PTPRT: variants seen among roughly 807,000 people sequenced by gnomAD.
The protein encoded by PTPRT is protein tyrosine phosphatase receptor type T.
A neutral mutation model predicts 176.8 loss-of-function variants in PTPRT; 56 were observed. That is an observed-to-expected ratio of 0.32 (90% CI 0.26 to 0.40). PTPRT has a LOEUF of 0.40. PTPRT is among the 10% of genes least tolerant of loss of function. The probability of loss-of-function intolerance (pLI) is 1.00; values close to 1 mark genes in which losing one functional copy is unlikely to be tolerated. For missense variants in PTPRT, 1,540 were observed against 1,908.2 expected (o/e 0.81, Z 3.60); for synonymous variants, 783 against 739.0 (o/e 1.06, Z -0.96).
intron 9 of PTPRT, among the ~76,000 whole-genome samples, chr20:42,393,252 G>GGGTA (rs2145678015): frequency 1.3e-5 from 2 of 152,240 alleles, no homozygotes; most frequent in South Asian, 4.2e-4. Context: ...CCATATTTGG[G>GGGTA]GGTAGCATGT....
At chr20:42,906,306 CG>C (rs1165918356) in intron 1 of PTPRT, among the ~76,000 whole-genome samples, 3 of 152,120 alleles carry the variant, frequency 2.0e-5, no homozygotes, top group Non-Finnish European at 4.4e-5. Context: ...AGAATTTGGC[CG>C]GGGCGGTCAG....
chr20:43,048,145 G>T (rs578244165), intron 1 of PTPRT, among the ~76,000 whole-genome samples: 21 of 152,178 alleles, frequency 1.4e-4, no homozygotes, highest in Admixed American at 2.0e-4. Flanking sequence ...CCAGAAGGAG[G>T]TAAAGAACTC....
chr20:42,102,535 G>A (rs374492612), intron 25 of PTPRT, among the ~76,000 whole-genome samples: 13 of 152,056 alleles, frequency 8.5e-5, no homozygotes, highest in South Asian at 6.2e-4. Flanking sequence ...CAGAAGCAGC[G>A]CATCCACACA....
intron 2 of PTPRT, among the ~76,000 whole-genome samples, chr20:42,882,762 G>T (rs2079028188): frequency 6.6e-6 from 1 of 152,200 alleles, no homozygotes; most frequent in Admixed American, 6.5e-5. Context: ...CTTCTCATCT[G>T]GGAGTAAACC....
At chr20:42,955,976 G>T (rs982647906) in intron 1 of PTPRT, among the ~76,000 whole-genome samples, 1 of 152,146 alleles carries the variant, frequency 6.6e-6, no homozygotes, top group Non-Finnish European at 1.5e-5. Context: ...GGAAGCCCTT[G>T]GCCTTAGCGC....
intron 9 of PTPRT, among the ~76,000 whole-genome samples, chr20:42,415,340 G>C (rs6102822): frequency 0.11 from 17,085 of 150,564 alleles, 1,141 homozygotes; most frequent in East Asian, 0.24. Flanking sequence ...GTGCCACCAA[G>C]CTCAGCTGGG....
At chr20:42,229,493 T>C (rs1195950322) in intron 15 of PTPRT, among the ~76,000 whole-genome samples, 3 of 152,250 alleles carry the variant, frequency 2.0e-5, no homozygotes, top group African/African-American at 7.2e-5. Context: ...AAATAACTTT[T>C]GAGTATCTCT....
In PTPRT at chr20:42,074,314, A is replaced by G. The variant is rs1212546233; in HGVS notation, c.*6565T>C. 4.3e-6 allele frequency: 1 copy of G among 231,804 alleles called. No homozygotes were observed. Among genetic ancestry groups the G allele is most frequent in the Non-Finnish European group, 8.5e-6 (1 of 117,336 alleles). 14.4% of individuals were successfully genotyped at this position (231,804 alleles called of 1,614,324 possible). A position where few individuals can be genotyped will look rare whatever the true frequency, so the allele number is the denominator to read the frequency against. On this transcript the variant is annotated 3_prime_UTR_variant, in exon 31 of 31. Coordinates refer to ENST00000373187, the MANE Select transcript of PTPRT (RefSeq NM_007050.6). ...AGCCCAAAGGCACTGAAGTAATTGT[A>G]CAGAGACTCAATTTTGTAATTTTGG...
At chr20:42,733,723 A>G (rs139704294) in intron 6 of PTPRT, among the ~76,000 whole-genome samples, 1 of 152,378 alleles carries the variant, frequency 6.6e-6, no homozygotes, top group African/African-American at 2.4e-5. Context: ...ACAGGCTTCT[A>G]AGAAGAACTG....
intron 2 of PTPRT, among the ~76,000 whole-genome samples, chr20:42,857,439 C>T (rs1242788407): frequency 2.6e-5 from 4 of 152,120 alleles, no homozygotes; most frequent in Non-Finnish European, 4.4e-5. Context: ...TATCTCTCAG[C>T]GTACATTTTT....
intron 1 of PTPRT, among the ~76,000 whole-genome samples, chr20:43,022,666 G>A (rs1020960035): frequency 2.6e-5 from 4 of 152,200 alleles, no homozygotes; most frequent in African/African-American, 9.7e-5. Context: ...CATTATGGCA[G>A]GGGAGGAGTT....
At chr20:43,004,601 T>C (rs547250305) in intron 1 of PTPRT, among the ~76,000 whole-genome samples, 1 of 152,146 alleles carries the variant, frequency 6.6e-6, no homozygotes, top group Non-Finnish European at 1.5e-5. Flanking sequence ...TTTAATAAAA[T>C]AAGGCATAGC....
At chr20:43,085,428 C>T (rs935932337) in intron 1 of PTPRT, among the ~76,000 whole-genome samples, 2 of 152,154 alleles carry the variant, frequency 1.3e-5, no homozygotes, top group African/African-American at 4.8e-5. Context: ...CACATTCATC[C>T]AACAAGTATT....
chr20:42,211,365 C>T (rs1393474933), intron 15 of PTPRT, among the ~76,000 whole-genome samples: 1 of 150,786 alleles, frequency 6.6e-6, no homozygotes, highest in Non-Finnish European at 1.5e-5. Context: ...GGGCAACCTA[C>T]AAAATGGGAG....
At position 42,381,094 on chromosome 20, in the gene PTPRT, T is replaced by A. The variant is rs59762363; in HGVS notation, c.1561-28809A>T. On this transcript the variant is annotated intron_variant, in intron 9 of 30. Transcript: ENST00000373187. The stretch of plus-strand genomic sequence containing the variant: ...ACAACAGCACCAAGGGGATGTGGTG[T>A]TAAACGATGAGAAACTGCCCCCATG... 4.0e-3 allele frequency among the ~76,000 whole-genome samples: 611 copies of A among 152,168 alleles called. 4 individuals carry two copies. Among genetic ancestry groups the A allele is most frequent in the African/African-American group, 0.014 (577 of 41,518 alleles).
At chr20:42,839,311 T>TG (rs941256061) in intron 2 of PTPRT, among the ~76,000 whole-genome samples, 15 of 151,748 alleles carry the variant, frequency 9.9e-5, no homozygotes, top group East Asian at 1.9e-4. Flanking sequence ...CACTCTGTTT[T>TG]TTTTTTTTTT....
At chr20:42,919,781 T>G (rs568767664) in intron 1 of PTPRT, among the ~76,000 whole-genome samples, 1 of 152,374 alleles carries the variant, frequency 6.6e-6, no homozygotes, top group African/African-American at 2.4e-5. Context: ...GTCCATTCAT[T>G]TACTTACGAA....
At chr20:42,112,747 G>A (rs968153053) in intron 22 of PTPRT, among the ~76,000 whole-genome samples, 7 of 152,286 alleles carry the variant, frequency 4.6e-5, no homozygotes, top group South Asian at 2.1e-4. Flanking sequence ...GCACCCAAAC[G>A]ACTGCTGCTT....
At chr20:42,860,662 T>C (rs1944019094) in intron 2 of PTPRT, among the ~76,000 whole-genome samples, 1 of 152,218 alleles carries the variant, frequency 6.6e-6, no homozygotes, top group Non-Finnish European at 1.5e-5. Context: ...TATATTATGT[T>C]TCCTAACTGG....
Sources: gnomAD v4.1 joint callset for allele counts (sites outside exome capture counted in the v4.1 genomes callset) on GRCh38, gnomAD v4.1.1 for gene constraint, MANE v1.5 for transcripts, NCBI Gene and HGNC (gene_info 2026-07-23, HGNC 2026-07-21) for gene names.